PLCXD3: variants seen among roughly 807,000 people sequenced by gnomAD.
The protein encoded by PLCXD3 is phosphatidylinositol specific phospholipase C X domain containing 3.
Under a neutral mutation model 25.5 loss-of-function variants are expected in PLCXD3, and 19 were observed. That is an observed-to-expected ratio of 0.75 (90% CI 0.52 to 1.09). The LOEUF is 1.09. PLCXD3 is among the 50% of genes least tolerant of loss of function. PLCXD3 has a pLI of 0.00. For synonymous variants in PLCXD3, 174 were observed against 137.6 expected (o/e 1.26, Z -1.85); for missense variants, 411 against 388.1 (o/e 1.06, Z -0.50).
At chr5:41,494,993 T>A (rs1483575414) in intron 1 of PLCXD3, among the ~76,000 whole-genome samples, 1 of 152,196 alleles carries the variant, frequency 6.6e-6, no homozygotes, top group Non-Finnish European at 1.5e-5. Flanking sequence ...TGCTCCAGAC[T>A]CTCCTTTCTG....
chr5:41,471,763 TACA>T (rs569577278), intron 1 of PLCXD3, among the ~76,000 whole-genome samples: 105 of 144,124 alleles, frequency 7.3e-4, no homozygotes, highest in African/African-American at 2.2e-3. Context: ...AAATAATAAC[TACA>T]ACATCTTTTC....
intron 1 of PLCXD3, among the ~76,000 whole-genome samples, chr5:41,496,241 T>C (rs905117756): frequency 6.6e-6 from 1 of 151,664 alleles, no homozygotes; most frequent in African/African-American, 2.4e-5. Flanking sequence ...AGCAGACCAA[T>C]ATACACATTA....
At chr5:41,453,356 T>C (rs74756606) in intron 1 of PLCXD3, among the ~76,000 whole-genome samples, 2 of 142,444 alleles carry the variant, frequency 1.4e-5, no homozygotes, top group East Asian at 4.0e-4. Flanking sequence ...ATTCTCTGTC[T>C]TTTTTTTTTT....
intron 2 of PLCXD3, among the ~76,000 whole-genome samples, chr5:41,353,183 C>T (rs1744520950): frequency 6.6e-6 from 1 of 151,572 alleles, no homozygotes; most frequent in Admixed American, 6.6e-5. Context: ...AGCTCCACCT[C>T]CCGGGTTCAT....
chr5:41,481,688 C>A (rs1278892665), intron 1 of PLCXD3, among the ~76,000 whole-genome samples: 1 of 152,182 alleles, frequency 6.6e-6, no homozygotes, highest in African/African-American at 2.4e-5. Flanking sequence ...TGCCACCACA[C>A]CTGAAAGAAA....
At position 41,313,620 on chromosome 5, in the gene PLCXD3, A is replaced by C. The variant is rs1391645906; in HGVS notation, c.963T>G (p.Thr321=). ...ATGGAAACTCCAAGTAGTGCTATCAAGTGTTGGCTTCTCCTTCATCAAAGA... is the reference window on the plus strand; with the variant it reads ...ATGGAAACTCCAAGTAGTGCTATCACGTGTTGGCTTCTCCTTCATCAAAGA... ...NYVFDEGEAN[T] The change falls in exon 3 of 3, where the codon ACT becomes ACG. Residue 321 remains threonine (T), a synonymous_variant. Coordinates refer to ENST00000377801, the MANE Select transcript of PLCXD3 (RefSeq NM_001005473.3). 24 of 1,613,626 alleles carry C rather than the reference A, an allele frequency of 1.5e-5. No individual in the cohort carries two copies. Among genetic ancestry groups the C allele is most frequent in the Non-Finnish European group, 1.9e-5 (23 of 1,179,726 alleles).
chr5:41,410,670 C>T (rs545548643), intron 1 of PLCXD3, among the ~76,000 whole-genome samples: 1 of 152,234 alleles, frequency 6.6e-6, no homozygotes, highest in Admixed American at 6.5e-5. Context: ...TTTATGGCCA[C>T]CTTTTTTCCC....
chr5:41,474,449 C>T (rs753893886), intron 1 of PLCXD3, among the ~76,000 whole-genome samples: 2 of 152,174 alleles, frequency 1.3e-5, no homozygotes, highest in Non-Finnish European at 2.9e-5. Context: ...CTGAATTGAT[C>T]ATGACCCTCA....
chr5:41,481,469 C>CA (rs1748412887), intron 1 of PLCXD3, among the ~76,000 whole-genome samples: 1 of 152,198 alleles, frequency 6.6e-6, no homozygotes, highest in Admixed American at 6.5e-5. Context: ...ACATATGGAG[C>CA]AAAACCAACA....
At chr5:41,391,077 A>T (rs1288364417) in intron 1 of PLCXD3, among the ~76,000 whole-genome samples, 1 of 152,170 alleles carries the variant, frequency 6.6e-6, no homozygotes, top group African/African-American at 2.4e-5. Context: ...CTGCCTGCAA[A>T]CCTCACAACT....
chr5:41,359,273 G>T (rs753388311), intron 2 of PLCXD3, among the ~76,000 whole-genome samples: 5 of 152,166 alleles, frequency 3.3e-5, no homozygotes, highest in Admixed American at 1.3e-4. Flanking sequence ...ATCTTTTGGA[G>T]TAGTGTCAAT....
chr5:41,368,302 A>G (rs1344005713), intron 2 of PLCXD3, among the ~76,000 whole-genome samples: 1 of 152,108 alleles, frequency 6.6e-6, no homozygotes, highest in Non-Finnish European at 1.5e-5. Flanking sequence ...TTCATTCATA[A>G]TTTGGCATAG....
intron 1 of PLCXD3, among the ~76,000 whole-genome samples, chr5:41,420,647 G>T (rs1746797352): frequency 6.6e-6 from 1 of 152,108 alleles, no homozygotes; most frequent in Non-Finnish European, 1.5e-5. Context: ...AATTTCTTCT[G>T]CTTCTCAGTG....
intron 2 of PLCXD3, among the ~76,000 whole-genome samples, chr5:41,332,123 C>A (rs1220483214): frequency 6.6e-6 from 1 of 152,044 alleles, no homozygotes; most frequent in Non-Finnish European, 1.5e-5. Flanking sequence ...AGCTTCTGCA[C>A]AGCAAAAGAA....
intron 2 of PLCXD3, among the ~76,000 whole-genome samples, chr5:41,336,915 G>T (rs1467706195): frequency 6.6e-6 from 1 of 152,082 alleles, no homozygotes; most frequent in African/African-American, 2.4e-5. Flanking sequence ...ACAAATCTTG[G>T]TGTCTTAGAG....
At chr5:41,340,237 C>T (rs1175048685) in intron 2 of PLCXD3, among the ~76,000 whole-genome samples, 1 of 152,134 alleles carries the variant, frequency 6.6e-6, no homozygotes, top group Non-Finnish European at 1.5e-5. Context: ...CATTTTTCTA[C>T]ACTGAATTTT....
intron 1 of PLCXD3, among the ~76,000 whole-genome samples, chr5:41,478,069 C>T (rs1748318842): frequency 6.6e-6 from 1 of 152,104 alleles, no homozygotes; most frequent in Non-Finnish European, 1.5e-5. Flanking sequence ...ACTACTATTC[C>T]ACCCTCATCT....
intron 1 of PLCXD3, among the ~76,000 whole-genome samples, chr5:41,489,605 T>C (rs1423487433): frequency 1.3e-5 from 2 of 150,750 alleles, no homozygotes; most frequent in East Asian, 3.9e-4. Flanking sequence ...TTTTATTTCC[T>C]TGAGCAGTGG....
chr5:41,486,000 T>C (rs1464979087), intron 1 of PLCXD3, among the ~76,000 whole-genome samples: 1 of 152,166 alleles, frequency 6.6e-6, no homozygotes, highest in African/African-American at 2.4e-5. Flanking sequence ...ACGGGAAGTT[T>C]TCTCCACAGT....
Sources: gnomAD v4.1 joint callset for allele counts (sites outside exome capture counted in the v4.1 genomes callset) on GRCh38, gnomAD v4.1.1 for gene constraint, MANE v1.5 for transcripts, NCBI Gene and HGNC (gene_info 2026-07-23, HGNC 2026-07-21) for gene names.